C1orf87: variants seen among roughly 807,000 people sequenced by gnomAD.
The protein encoded by C1orf87 is chromosome 1 open reading frame 87.
Under a neutral mutation model 60.5 loss-of-function variants are expected in C1orf87, and 58 were observed. The ratio of observed to expected loss-of-function variants is 0.96; its 90% confidence interval spans 0.78 to 1.19. The LOEUF (loss-of-function observed/expected upper bound fraction) is 1.19. Among genes scored for constraint, C1orf87 ranks in the 50% most tolerant of loss-of-function variants. The pLI is 0.00. For missense variants in C1orf87, 673 were observed against 638.6 expected (o/e 1.05, Z -0.58); for synonymous variants, 236 against 227.4 (o/e 1.04, Z -0.34).
chr1:60,045,715 C>T (rs2100304174), intron 3 of C1orf87, among the ~76,000 whole-genome samples: 1 of 152,250 alleles, frequency 6.6e-6, no homozygotes, highest in South Asian at 2.1e-4. Context: ...CCTCAGCTTC[C>T]TCTGGGAGTC....
chr1:60,072,402 A>C (rs927109423), intron 2 of C1orf87, 135 bp downstream of exon 2: 1 of 606,152 alleles, frequency 1.6e-6, no homozygotes, highest in African/African-American at 1.9e-5. Context: ...ACACGATTTT[A>C]CCTCTACTGT....
chr1:59,996,929 A>T (rs780318435), intron 11 of C1orf87, among the ~76,000 whole-genome samples: 6 of 152,228 alleles, frequency 3.9e-5, no homozygotes, highest in Non-Finnish European at 8.8e-5. Context: ...AAATAAAAAT[A>T]TACAATATGT....
intron 9 of C1orf87, 90 bp downstream of exon 9, chr1:60,010,302 A>G (rs1645074315): frequency 8.4e-7 from 1 of 1,192,388 alleles, no homozygotes; most frequent in South Asian, 1.3e-5. Flanking sequence ...ATGAAACCCA[A>G]CAAGCAAACC....
rs551972451 is a variant in C1orf87 at position 59,998,149 on chromosome 1, G to C, written c.1273-333C>G. On this transcript the variant is annotated intron_variant, in intron 10 of 11. Coordinates refer to ENST00000371201, the MANE Select transcript of C1orf87 (RefSeq NM_152377.3). ...TGTTTTGTACTAGTGGGGTCTGCAG[G>C]GGGTAGACTTCAGACAATGCTCATA... 6.7e-5 allele frequency among the ~76,000 whole-genome samples: 9 copies of C among 135,182 alleles called. No individual in the cohort carries two copies. In the South Asian group the frequency reaches 1.9e-3, roughly 29 times the overall value. The allele number at this position is 135,182 out of a possible 152,430, so 88.7% of individuals were successfully genotyped here. A position where few individuals can be genotyped will look rare whatever the true frequency, so the allele number is the denominator to read the frequency against.
At chr1:60,065,931 A>G (rs1645543243) in intron 2 of C1orf87, among the ~76,000 whole-genome samples, 1 of 151,772 alleles carries the variant, frequency 6.6e-6, no homozygotes, top group African/African-American at 2.4e-5. Context: ...TGATTCACAT[A>G]TTTTTTTTGG....
chr1:59,993,859 A>G (rs1158190071), intron 11 of C1orf87, among the ~76,000 whole-genome samples: 1 of 151,352 alleles, frequency 6.6e-6, no homozygotes, highest in East Asian at 1.9e-4. Context: ...CCTGGGTTCA[A>G]GTGATTTTCC....
At chr1:59,993,163 G>A (rs1644936923) in intron 11 of C1orf87, among the ~76,000 whole-genome samples, 1 of 152,194 alleles carries the variant, frequency 6.6e-6, no homozygotes, top group African/African-American at 2.4e-5. Context: ...CGAGGCTGCA[G>A]TGAGTTGTGA....
intron 3 of C1orf87, among the ~76,000 whole-genome samples, chr1:60,050,235 T>C (rs1378151629): frequency 1.3e-5 from 2 of 152,048 alleles, no homozygotes; most frequent in Non-Finnish European, 2.9e-5. Context: ...TTGATGATGT[T>C]AACATTTTAT....
In C1orf87 at chr1:59,990,444, G is replaced by A; in HGVS notation, c.*229C>T. On this transcript the variant is annotated 3_prime_UTR_variant, in exon 12 of 12. Coordinates refer to ENST00000371201, the MANE Select transcript of C1orf87 (RefSeq NM_152377.3). The stretch of plus-strand genomic sequence containing the variant: ...AACAGAAGGAGATTCTAAGTAGCTG[G>A]GTTCTTGCCACATCAAAAGATAAAA... 2.9e-6 allele frequency: 1 copy of A among 340,288 alleles called. No individual in the cohort carries two copies. The highest frequency in any genetic ancestry group is 5.3e-6 in the Non-Finnish European group (1 of 190,318). The allele number at this position is 340,288 out of a possible 1,614,324, so 21.1% of individuals were successfully genotyped here. A position where few individuals can be genotyped will look rare whatever the true frequency, so the allele number is the denominator to read the frequency against.
chr1:60,025,055 A>C (rs529135068), intron 8 of C1orf87, among the ~76,000 whole-genome samples: 2 of 152,308 alleles, frequency 1.3e-5, no homozygotes, highest in South Asian at 4.1e-4. Flanking sequence ...AATGAATAAA[A>C]AATTCAGGCT....
chr1:60,073,695 GGGC>G lies in C1orf87; in HGVS notation c.-36_-34del. ...AACAGAGTCGGGGGGCTTACCGCTA[GGGC>G]AGCGTCCCCACCCTGGCAGCTCAGA... On this transcript the variant is annotated 5_prime_UTR_variant, in exon 1 of 12. Coordinates refer to ENST00000371201, the MANE Select transcript of C1orf87 (RefSeq NM_152377.3). 1 of 152,452 alleles carries G rather than the reference GGGC, an allele frequency of 6.6e-6. No homozygotes were observed. Among genetic ancestry groups the G allele is most frequent in the Middle Eastern group, 3.4e-3 (1 of 296 alleles). The allele number at this position is 152,452 out of a possible 1,614,324, so 9.4% of individuals were successfully genotyped here.
At chr1:60,048,358 T>C (rs1645388599) in intron 3 of C1orf87, among the ~76,000 whole-genome samples, 1 of 152,152 alleles carries the variant, frequency 6.6e-6, no homozygotes. Context: ...TAACTGCATC[T>C]CTGGGTGAAA....
intron 3 of C1orf87, among the ~76,000 whole-genome samples, chr1:60,049,773 C>T (rs1645400373): frequency 6.6e-6 from 1 of 152,050 alleles, no homozygotes; most frequent in African/African-American, 2.4e-5. Context: ...TCCTAATGTA[C>T]ATCTTACGTA....
chr1:60,051,882 T>C (rs557302301), intron 3 of C1orf87, among the ~76,000 whole-genome samples: 68 of 152,286 alleles, frequency 4.5e-4, no homozygotes, highest in African/African-American at 1.6e-3. Context: ...AGGAGGAAAG[T>C]ATGTTCAGGT....
chr1:60,042,752 A>C lies in C1orf87; in HGVS notation c.343-1621T>G, dbSNP rs564767746. 5.9e-5 allele frequency among the ~76,000 whole-genome samples: 9 copies of C among 152,366 alleles called. No homozygotes were observed. The South Asian group carries it at 1.9e-3, about 32-fold the overall frequency. On this transcript the variant is annotated intron_variant, in intron 3 of 11. Transcript: ENST00000371201. Reference sequence around the variant, plus strand: ...AAATAACTTTATTCCTTCATTTAAAAAACATTTATGGTTGTCTAGTTTGGG... The same window carrying C: ...AAATAACTTTATTCCTTCATTTAAACAACATTTATGGTTGTCTAGTTTGGG...
intron 3 of C1orf87, among the ~76,000 whole-genome samples, chr1:60,047,747 G>T (rs115241274): frequency 0.014 from 2,096 of 144,756 alleles, 31 homozygotes; most frequent in Non-Finnish European, 0.022. Flanking sequence ...AAAAAAAAGA[G>T]AAAACCATCA....
chr1:60,034,952 T>G (rs1341833945), intron 6 of C1orf87, among the ~76,000 whole-genome samples: 9 of 152,014 alleles, frequency 5.9e-5, no homozygotes, highest in African/African-American at 2.2e-4. Flanking sequence ...TCTAGGACTC[T>G]CACACAAGTT....
intron 8 of C1orf87, 129 bp downstream of exon 8, chr1:60,025,272 T>A: frequency 1.6e-6 from 1 of 634,976 alleles, no homozygotes. Flanking sequence ...CTTTATGACA[T>A]CATCTAAACC....
At chr1:59,992,297 C>T (rs1644930099) in intron 11 of C1orf87, among the ~76,000 whole-genome samples, 1 of 151,424 alleles carries the variant, frequency 6.6e-6, no homozygotes, top group South Asian at 2.1e-4. Context: ...ACTCTGTTGC[C>T]TAGGCTGGAG....
Sources: allele counts gnomAD v4.1 joint callset (sites outside exome capture counted in the v4.1 genomes callset), GRCh38; gene constraint gnomAD v4.1.1; transcripts MANE v1.5; gene names NCBI Gene and HGNC (gene_info 2026-07-23, HGNC 2026-07-21).